Variants in PPP1R12B observed in about 807,000 individuals in gnomAD.
PPP1R12B encodes the protein myosin phosphatase target subunit 2.
In PPP1R12B, 76 loss-of-function variants were observed where a neutral mutation model predicts 126.1. That is an observed-to-expected ratio of 0.60 (90% CI 0.50 to 0.73). The LOEUF is 0.73. Among genes scored for constraint, PPP1R12B ranks in the 30% least tolerant of loss-of-function variants. PPP1R12B has a pLI of 0.00. For synonymous variants in PPP1R12B, 356 were observed against 434.7 expected, an observed-to-expected ratio of 0.82 and a Z score of 2.25; for missense variants, 1,052 against 1,205.1, an observed-to-expected ratio of 0.87 and a Z score of 1.88.
At chr1:202,417,453 A>G (rs1488100653) in intron 2 of PPP1R12B, 21 of 973,976 alleles carry the variant, frequency 2.2e-5, no homozygotes, top group Non-Finnish European at 2.2e-5. Context: ...ATATTTAATA[A>G]GATACATTAG....
intron 1 of PPP1R12B, among the ~76,000 whole-genome samples, chr1:202,349,462 G>C (rs973756838): frequency 1.8e-4 from 28 of 152,202 alleles, no homozygotes; most frequent in African/African-American, 6.7e-4. Context: ...CTTATGTCTG[G>C]TTGGCGTGCC....
At chr1:202,442,306 A>G (rs1671729808) in intron 11 of PPP1R12B, 141 bp from the exon 12 acceptor site, 1 of 932,296 alleles carries the variant, frequency 1.1e-6, no homozygotes, top group East Asian at 2.7e-5. Context: ...GAAAACTGGT[A>G]TATAAAACAG....
At chr1:202,470,899 T>C in intron 13 of PPP1R12B, among the ~76,000 whole-genome samples, 1 of 129,190 alleles carries the variant, frequency 7.7e-6, no homozygotes, top group Non-Finnish European at 1.7e-5. Context: ...GAGCAAGACC[T>C]CATCTCAAAA....
intron 13 of PPP1R12B, 79 bp from the exon 14 acceptor site, chr1:202,488,454 A>G: frequency 1.8e-6 from 2 of 1,105,322 alleles, no homozygotes; most frequent in Non-Finnish European, 2.6e-6. Context: ...AATCTCTTCA[A>G]TATGTGGAAA....
At chr1:202,401,780 G>A (rs1467136956) in intron 1 of PPP1R12B, among the ~76,000 whole-genome samples, 1 of 152,150 alleles carries the variant, frequency 6.6e-6, no homozygotes, top group Non-Finnish European at 1.5e-5. Context: ...TGCCTATACA[G>A]CATCTTACAA....
At chr1:202,352,208 G>T (rs1296562647) in intron 1 of PPP1R12B, among the ~76,000 whole-genome samples, 1 of 152,144 alleles carries the variant, frequency 6.6e-6, no homozygotes, top group African/African-American at 2.4e-5. Flanking sequence ...ACATTGTAAG[G>T]CCAGGAATAT....
chr1:202,554,908 T>C (rs1190284190), intron 18 of PPP1R12B, among the ~76,000 whole-genome samples: 1 of 151,860 alleles, frequency 6.6e-6, no homozygotes, highest in African/African-American at 2.4e-5. Flanking sequence ...AAAACTGGTA[T>C]GGGAATCACA....
chr1:202,488,724 A>AACAC (rs141532496), intron 14 of PPP1R12B, 101 bp downstream of exon 14: 19 of 952,478 alleles, frequency 2.0e-5, no homozygotes, highest in East Asian at 1.2e-4. Flanking sequence ...TGCTGATTTA[A>AACAC]ACACACACAC....
chr1:202,373,935 T>C (rs1660719707), intron 1 of PPP1R12B, among the ~76,000 whole-genome samples: 1 of 149,926 alleles, frequency 6.7e-6, no homozygotes, highest in African/African-American at 2.5e-5. Flanking sequence ...AAATAAAATA[T>C]TATTTCTAAT....
intron 1 of PPP1R12B, among the ~76,000 whole-genome samples, chr1:202,372,378 C>T (rs1052856872): frequency 2.0e-5 from 3 of 151,826 alleles, no homozygotes; most frequent in East Asian, 1.9e-4. Context: ...GTGGTGCGTG[C>T]GGATAGTTCC....
rs1689601552 is a variant in PPP1R12B at position 202,582,519 on chromosome 1, A to G, written c.*1959A>G. The G allele has an allele frequency of 6.6e-6, 1 of 152,592 alleles. No individual in the cohort carries two copies. The highest frequency in any genetic ancestry group is 1.5e-5 in the Non-Finnish European group (1 of 68,044). 9.5% of individuals were successfully genotyped at this position (152,592 alleles called of 1,614,324 possible). ...TACCTCTGTCTGTTAATTCTTTCCT[A>G]ACATGACATGTAGCTCTCCATGGTC... On this transcript the variant is annotated 3_prime_UTR_variant, in exon 24 of 24. Coordinates refer to ENST00000608999, the MANE Select transcript of PPP1R12B (RefSeq NM_002481.4).
chr1:202,355,861 G>A (rs1053834240), intron 1 of PPP1R12B, among the ~76,000 whole-genome samples: 4 of 152,146 alleles, frequency 2.6e-5, no homozygotes, highest in Admixed American at 2.0e-4. Context: ...GTACTCTGAA[G>A]ACGTACAAAT....
chr1:202,504,892 A>G (rs1680647238), intron 18 of PPP1R12B, among the ~76,000 whole-genome samples: 1 of 152,252 alleles, frequency 6.6e-6, no homozygotes, highest in African/African-American at 2.4e-5. Flanking sequence ...AAATGAGCTA[A>G]TACATTTAAA....
At chr1:202,574,857 G>A in intron 23 of PPP1R12B, 2 of 766,528 alleles carry the variant, frequency 2.6e-6, no homozygotes, top group Non-Finnish European at 4.0e-6. Flanking sequence ...CATGACTCCT[G>A]CCTTTCTCAT....
At chr1:202,406,653 T>G (rs1666640242) in intron 1 of PPP1R12B, among the ~76,000 whole-genome samples, 1 of 152,212 alleles carries the variant, frequency 6.6e-6, no homozygotes, top group South Asian at 2.1e-4. Context: ...TTTCTTCATC[T>G]GTAACATGGA....
At chr1:202,543,841 G>A (rs939619605) in intron 18 of PPP1R12B, among the ~76,000 whole-genome samples, 9 of 152,222 alleles carry the variant, frequency 5.9e-5, no homozygotes, top group African/African-American at 2.2e-4. Context: ...AAGAATGACT[G>A]TTATAAGTGG....
chr1:202,375,940 C>A (rs1661111974), intron 1 of PPP1R12B, among the ~76,000 whole-genome samples: 1 of 152,176 alleles, frequency 6.6e-6, no homozygotes, highest in African/African-American at 2.4e-5. Context: ...ACACTTTAGG[C>A]TCTGGGAAGG....
intron 20 of PPP1R12B, among the ~76,000 whole-genome samples, chr1:202,563,829 A>T (rs540668167): frequency 1.4e-4 from 22 of 152,160 alleles, no homozygotes; most frequent in African/African-American, 4.8e-4. Flanking sequence ...GCACGTTGGG[A>T]GGGTGAGGCA....
intron 1 of PPP1R12B, among the ~76,000 whole-genome samples, chr1:202,359,884 G>C (rs1657851264): frequency 6.6e-6 from 1 of 151,838 alleles, no homozygotes; most frequent in Non-Finnish European, 1.5e-5. Flanking sequence ...TATTTTAGTA[G>C]TGTTTAAGTT....
Sources: gnomAD v4.1 joint callset for allele counts (sites outside exome capture counted in the v4.1 genomes callset) on GRCh38, gnomAD v4.1.1 for gene constraint, MANE v1.5 for transcripts, NCBI Gene and HGNC (gene_info 2026-07-23, HGNC 2026-07-21) for gene names.